Variants in STARD3NL observed in about 807,000 individuals in gnomAD.
The protein encoded by STARD3NL is STARD3 N-terminal like.
STARD3NL carries 17 observed loss-of-function variants against 30.9 expected under a neutral mutation model. The observed-to-expected ratio is 0.55, with a 90% CI of 0.38 to 0.82. The LOEUF (loss-of-function observed/expected upper bound fraction) is 0.82. STARD3NL is among the 40% of genes least tolerant of loss of function. The probability of loss-of-function intolerance (pLI) is 0.00; values close to 1 mark genes in which losing one functional copy is unlikely to be tolerated. For missense variants in STARD3NL, 234 were observed against 277.6 expected, an observed-to-expected ratio of 0.84 and a Z score of 1.12; for synonymous variants, 112 against 100.5, an observed-to-expected ratio of 1.11 and a Z score of -0.69.
rs1185313276 is a variant in STARD3NL at position 38,207,609 on chromosome 7, C to T, written c.105C>T (p.Ala35=). 1.9e-6 allele frequency: 3 copies of T among 1,614,066 alleles called. No homozygotes were observed. The highest frequency in any genetic ancestry group is 2.5e-6 in the Non-Finnish European group (3 of 1,179,968). ...IHSINPTQLM[A]RIESYEGREK... ...CCATCAACCCCACACAACTCATGGC[C>T]AGGATTGAGTCCTATGAAGGAAGGG... Residue 35 remains alanine, a synonymous_variant, in exon 2 of 9, where the codon GCC becomes GCT. Coordinates refer to ENST00000009041, the MANE Select transcript of STARD3NL (RefSeq NM_032016.4).
At chr7:38,183,234 G>A (rs553554529) in intron 1 of STARD3NL, among the ~76,000 whole-genome samples, 65 of 152,244 alleles carry the variant, frequency 4.3e-4, no homozygotes, top group African/African-American at 1.5e-3. Flanking sequence ...TGCATATAGA[G>A]GGCTTTCTTT....
At position 38,211,070 on chromosome 7, in the gene STARD3NL, G is replaced by A. The variant is rs185606605; in HGVS notation, c.226-3287G>A. Reference sequence around the variant, plus strand: ...AAAGGTCTGCATGATTATAGTTCATGTAATTTATTAATAACTAAAATAAAT... The same window carrying A: ...AAAGGTCTGCATGATTATAGTTCATATAATTTATTAATAACTAAAATAAAT... On this transcript the variant is annotated intron_variant, in intron 2 of 8. Transcript: ENST00000009041. 4.6e-4 allele frequency among the ~76,000 whole-genome samples: 70 copies of A among 152,282 alleles called. 1 individual carries two copies. The Middle Eastern group carries it at 0.01, about 22-fold the overall frequency.
intron 1 of STARD3NL, among the ~76,000 whole-genome samples, chr7:38,180,903 C>G (rs1784219011): frequency 6.6e-6 from 1 of 152,218 alleles, no homozygotes; most frequent in South Asian, 2.1e-4. Flanking sequence ...TCACCCTGCT[C>G]ATTTTCAGGC....
chr7:38,186,996 G>T (rs532936156), intron 1 of STARD3NL, among the ~76,000 whole-genome samples: 2 of 151,736 alleles, frequency 1.3e-5, no homozygotes, highest in Non-Finnish European at 2.9e-5. Context: ...CGTTGTTTCA[G>T]TTACTTTGGG....
At chr7:38,216,238 A>G (rs1309211836) in intron 4 of STARD3NL, 1 of 152,246 alleles carries the variant, frequency 6.6e-6, no homozygotes. Context: ...GTAAGACAGT[A>G]TCTTCAATAT....
At chr7:38,197,691 T>A (rs976683144) in intron 1 of STARD3NL, among the ~76,000 whole-genome samples, 2 of 152,340 alleles carry the variant, frequency 1.3e-5, no homozygotes, top group Non-Finnish European at 2.9e-5. Flanking sequence ...TCATGTCACA[T>A]GGGTGCCTTT....
In STARD3NL at chr7:38,215,270, G is replaced by T. The variant is rs1786038235; in HGVS notation, c.381+165G>T. On this transcript the variant is annotated intron_variant, in intron 4 of 8. Transcript: ENST00000009041. ...TACTTAAGTAGGTTTAATACTCCAG[G>T]GCTTCTTTCCAATGTTAATGAGTAA... is the stretch of plus-strand genomic sequence containing the variant. The T allele has an allele frequency of 1.0e-5, 6 of 596,110 alleles. No homozygotes were observed. The South Asian group carries it at 1.1e-4, about 11-fold the overall frequency. 36.9% of individuals were successfully genotyped at this position (596,110 alleles called of 1,614,324 possible).
intron 6 of STARD3NL, among the ~76,000 whole-genome samples, chr7:38,218,715 ACTCAG>A (rs1215293270): frequency 6.6e-5 from 10 of 152,176 alleles, no homozygotes. Context: ...CCTGAGGTTA[ACTCAG>A]CTTTCAGTCA....
intron 1 of STARD3NL, among the ~76,000 whole-genome samples, chr7:38,197,199 T>TTTCTTTCTTTCTTTTTCC (rs1784962280): frequency 1.4e-5 from 2 of 146,090 alleles, no homozygotes; most frequent in Middle Eastern, 3.5e-3. Flanking sequence ...TTTCTTTTTC[T>TTTCTTTCTTTCTTTTTCC]CTCTCTCTCT....
intron 2 of STARD3NL, among the ~76,000 whole-genome samples, chr7:38,210,797 A>G (rs889427908): frequency 1.3e-5 from 2 of 152,220 alleles, no homozygotes; most frequent in Admixed American, 6.5e-5. Flanking sequence ...CTATGGTTCA[A>G]AAAAAGCCTT....
chr7:38,219,051 T>A (rs1395144837), intron 6 of STARD3NL, among the ~76,000 whole-genome samples: 1 of 152,146 alleles, frequency 6.6e-6, no homozygotes, highest in Admixed American at 6.5e-5. Flanking sequence ...AAGGGAAAGA[T>A]GTAAATACTG....
chr7:38,214,494 C>G (rs1242742901), intron 3 of STARD3NL, 60 bp downstream of exon 3: 1 of 1,077,040 alleles, frequency 9.3e-7, no homozygotes, highest in Admixed American at 2.0e-5. Flanking sequence ...GGCAGATTTC[C>G]TCTAAATAGA....
chr7:38,226,146 T>G (rs950792009), intron 7 of STARD3NL, among the ~76,000 whole-genome samples: 40 of 123,664 alleles, frequency 3.2e-4, no homozygotes, highest in Non-Finnish European at 5.3e-4. Context: ...AATCTTTGCC[T>G]ATCTTGTTTT....
At chr7:38,209,691 A>G (rs552825804) in intron 2 of STARD3NL, among the ~76,000 whole-genome samples, 1 of 152,310 alleles carries the variant, frequency 6.6e-6, no homozygotes, top group Middle Eastern at 3.4e-3. Context: ...TTGGCTGCTT[A>G]TATCACTGTA....
intron 7 of STARD3NL, among the ~76,000 whole-genome samples, chr7:38,223,385 A>C (rs1174416936): frequency 1.3e-5 from 2 of 152,178 alleles, no homozygotes; most frequent in Non-Finnish European, 1.5e-5. Context: ...GGTTGAAATT[A>C]TGTGTGGTCA....
chr7:38,212,269 A>G (rs1785851307), intron 2 of STARD3NL, among the ~76,000 whole-genome samples: 1 of 152,204 alleles, frequency 6.6e-6, no homozygotes, highest in East Asian at 1.9e-4. Flanking sequence ...CTCACGGTAG[A>G]TGAGCACACT....
intron 1 of STARD3NL, among the ~76,000 whole-genome samples, chr7:38,190,065 C>T (rs1231975213): frequency 1.3e-5 from 2 of 152,170 alleles, no homozygotes; most frequent in African/African-American, 2.4e-5. Context: ...TATCCATGGA[C>T]AGTACATTTC....
intron 1 of STARD3NL, among the ~76,000 whole-genome samples, chr7:38,179,691 C>G (rs549285103): frequency 6.6e-6 from 1 of 152,242 alleles, no homozygotes; most frequent in South Asian, 2.1e-4. Context: ...ACATGTAAAT[C>G]AAAGAGACAA....
intron 2 of STARD3NL, among the ~76,000 whole-genome samples, chr7:38,212,651 T>C (rs1785874556): frequency 1.3e-5 from 2 of 152,128 alleles, no homozygotes; most frequent in Admixed American, 6.6e-5. Flanking sequence ...GTGGGACAGA[T>C]TGGCAGTAAG....
Sources: gnomAD v4.1 joint callset for allele counts (sites outside exome capture counted in the v4.1 genomes callset) on GRCh38, gnomAD v4.1.1 for gene constraint, MANE v1.5 for transcripts, NCBI Gene and HGNC (gene_info 2026-07-23, HGNC 2026-07-21) for gene names.